The following TXNRD1 variants were observed in gnomAD, a reference collection of about 807,000 sequenced individuals.
TXNRD1 encodes the protein thioredoxin reductase 1, also known as thioredoxin reductase 1, cytoplasmic.
A neutral mutation model predicts 80.3 loss-of-function variants in TXNRD1; 57 were observed. The observed-to-expected ratio is 0.71, with a 90% CI of 0.57 to 0.89. The LOEUF (loss-of-function observed/expected upper bound fraction) is 0.89, where lower values mean the gene tolerates loss of function less well. TXNRD1 is among the 40% of genes least tolerant of loss of function. The pLI is 0.00. For missense variants in TXNRD1, 730 were observed against 803.0 expected (o/e 0.91, Z 1.10); for synonymous variants, 291 against 285.2 (o/e 1.02, Z -0.20).
chr12:104,283,810 C>T lies in TXNRD1; in HGVS notation c.305-5121C>T, dbSNP rs1593748715. Among the ~76,000 whole-genome samples, 3 of 152,134 alleles carry T rather than the reference C, an allele frequency of 2.0e-5. No homozygotes were observed. The East Asian group carries it at 5.9e-4, about 30-fold the overall frequency. ...ACTGGAACCTGAGAGGCGGAGGCTGCGGTGAGCCGAGATAGTGCCATTGCC... is the reference window on the plus strand; with the variant it reads ...ACTGGAACCTGAGAGGCGGAGGCTGTGGTGAGCCGAGATAGTGCCATTGCC... On this transcript the variant is annotated intron_variant, in intron 3 of 16. Coordinates refer to ENST00000525566, the MANE Select transcript of TXNRD1 (RefSeq NM_001093771.3).
intron 1 of TXNRD1, among the ~76,000 whole-genome samples, chr12:104,242,391 CACA>C (rs1383866596): frequency 6.6e-6 from 1 of 151,712 alleles, no homozygotes; most frequent in Admixed American, 6.6e-5. Context: ...GTACTAAAAA[CACA>C]ACAATTAGCC....
At chr12:104,246,970 A>G (rs2033009330) in intron 1 of TXNRD1, among the ~76,000 whole-genome samples, 1 of 152,198 alleles carries the variant, frequency 6.6e-6, no homozygotes, top group South Asian at 2.1e-4. Flanking sequence ...TTACAAGTGG[A>G]TAGTAAGTAC....
intron 1 of TXNRD1, among the ~76,000 whole-genome samples, chr12:104,225,249 C>G (rs1373167195): frequency 6.6e-6 from 1 of 152,128 alleles, no homozygotes; most frequent in African/African-American, 2.4e-5. Context: ...TATGTATTAA[C>G]ACATTTAATC....
chr12:104,245,453 G>A (rs534377322), intron 1 of TXNRD1, among the ~76,000 whole-genome samples: 6 of 143,894 alleles, frequency 4.2e-5, no homozygotes, highest in Non-Finnish European at 9.1e-5. Flanking sequence ...GGAGGCAGAG[G>A]TTGCGGTGAG....
chr12:104,311,418 G>A lies in TXNRD1; in HGVS notation c.537+6G>A. 6.2e-7 allele frequency: 1 copy of A among 1,612,890 alleles called. No individual in the cohort carries two copies. Among genetic ancestry groups the A allele is most frequent in the South Asian group, 1.1e-5 (1 of 91,006 alleles). On this transcript the variant is annotated splice_donor_region_variant and intron_variant, in intron 5 of 16. Coordinates refer to ENST00000525566, the MANE Select transcript of TXNRD1 (RefSeq NM_001093771.3). The stretch of plus-strand genomic sequence containing the variant: ...GAGGTCTGGCAGCTGCTAAGGCAAG[G>A]CTCCTTGTGTTGTCTGTTGTCTGTT...
chr12:104,248,189 A>AT (rs1285194979), intron 1 of TXNRD1, among the ~76,000 whole-genome samples: 1 of 152,264 alleles, frequency 6.6e-6, no homozygotes, highest in African/African-American at 2.4e-5. Flanking sequence ...AACAGTATGC[A>AT]TTAGAACTAC....
chr12:104,291,043 A>G (rs1210434569), intron 4 of TXNRD1: 2 of 687,164 alleles, frequency 2.9e-6, no homozygotes, highest in Non-Finnish European at 5.3e-6. Flanking sequence ...TCCTGGGCTC[A>G]AGCGATCATC....
intron 1 of TXNRD1, among the ~76,000 whole-genome samples, chr12:104,228,941 G>A (rs1313449506): frequency 2.0e-5 from 3 of 151,620 alleles, no homozygotes; most frequent in South Asian, 2.1e-4. Flanking sequence ...GGCTGGTCTC[G>A]ATCTCCTGAC....
chr12:104,246,071 C>A (rs550333539), intron 1 of TXNRD1, among the ~76,000 whole-genome samples: 7 of 148,290 alleles, frequency 4.7e-5, no homozygotes, highest in African/African-American at 1.7e-4. Flanking sequence ...TGAGATCGCG[C>A]CGCTGCACTC....
Position 104,348,527 on chromosome 12 carries a change from G to A in TXNRD1, c.*106G>A, listed in dbSNP as rs146606214. The A allele has an allele frequency of 7.2e-5, 79 of 1,101,366 alleles. No individual in the cohort carries two copies. Among genetic ancestry groups the A allele is most frequent in the Admixed American group, 5.9e-4 (33 of 55,576 alleles). 68.2% of individuals were successfully genotyped at this position (1,101,366 alleles called of 1,614,324 possible). ...GGGTTCTTGGGCTCTTGGCACCTGC[G>A]TGTCCTGTGCTTACCACCGCCCAAG... is the stretch of plus-strand genomic sequence containing the variant. On this transcript the variant is annotated 3_prime_UTR_variant, in exon 17 of 17. Transcript: ENST00000525566.
chr12:104,252,558 A>G (rs2033141139), intron 2 of TXNRD1, among the ~76,000 whole-genome samples: 1 of 150,044 alleles, frequency 6.7e-6, no homozygotes. Context: ...GGCTGAGGGC[A>G]TTTAAATGTC....
chr12:104,317,156 T>G (rs2035358641), intron 7 of TXNRD1, among the ~76,000 whole-genome samples: 1 of 152,200 alleles, frequency 6.6e-6, no homozygotes, highest in South Asian at 2.1e-4. Context: ...AAAACATTGA[T>G]AATTACTGCA....
chr12:104,239,726 A>C (rs1382075365), intron 1 of TXNRD1, among the ~76,000 whole-genome samples: 1 of 151,762 alleles, frequency 6.6e-6, no homozygotes, highest in Non-Finnish European at 1.5e-5. Context: ...CAGGTGATCC[A>C]CCCACCTTGG....
intron 4 of TXNRD1, among the ~76,000 whole-genome samples, chr12:104,303,535 G>T (rs2034729140): frequency 6.6e-6 from 1 of 152,228 alleles, no homozygotes; most frequent in African/African-American, 2.4e-5. Flanking sequence ...TGATCCAGTC[G>T]GTAAACGCTT....
chr12:104,226,376 A>G (rs937288863), intron 1 of TXNRD1, among the ~76,000 whole-genome samples: 1 of 152,166 alleles, frequency 6.6e-6, no homozygotes, highest in Non-Finnish European at 1.5e-5. Context: ...ACTGTAGAAT[A>G]CCTTTATCAC....
intron 4 of TXNRD1, chr12:104,305,105 A>G (rs2135789668): frequency 1.5e-6 from 1 of 670,806 alleles, no homozygotes; most frequent in East Asian, 3.2e-5. Context: ...TTATAAGGTC[A>G]TGATCTTCTG....
chr12:104,319,054 A>C lies in TXNRD1; in HGVS notation c.872A>C (p.Lys291Thr), dbSNP rs763741734. Residue 291 changes from lysine (K) to threonine (T), a missense_variant and splice_region_variant, in exon 8 of 17, where the codon AAG (lysine) becomes ACG (threonine). Coordinates refer to ENST00000525566, the MANE Select transcript of TXNRD1 (RefSeq NM_001093771.3). Reference sequence around the variant, plus strand: ...CAATTTATTGGTCCTCACAGGATTAAGGTAATTGTGTGACATCCTGACTAG... The same window carrying C: ...CAATTTATTGGTCCTCACAGGATTACGGTAATTGTGTGACATCCTGACTAG... Reference protein sequence around the residue: ...YGQFIGPHRIKATNNKGKEKI... With the variant: ...YGQFIGPHRITATNNKGKEKI... The C allele has an allele frequency of 6.2e-7, 1 of 1,603,826 alleles. No individual in the cohort carries two copies. The highest frequency in any genetic ancestry group is 2.2e-5 in the East Asian group (1 of 44,852).
At chr12:104,321,433 TC>T in intron 10 of TXNRD1, 117 bp downstream of exon 10, 1 of 773,458 alleles carries the variant, frequency 1.3e-6, no homozygotes, top group Non-Finnish European at 2.1e-6. Context: ...GAATGCTGAT[TC>T]CCCTACTGTT....
intron 1 of TXNRD1, among the ~76,000 whole-genome samples, chr12:104,247,566 T>C (rs2135700646): frequency 6.6e-6 from 1 of 152,364 alleles, no homozygotes; most frequent in African/African-American, 2.4e-5. Context: ...TCTGATGATT[T>C]TGATTACAGT....
Sources: gnomAD v4.1 joint callset for allele counts (sites outside exome capture counted in the v4.1 genomes callset) on GRCh38, gnomAD v4.1.1 for gene constraint, MANE v1.5 for transcripts, NCBI Gene and HGNC (gene_info 2026-07-23, HGNC 2026-07-21) for gene names.